Variants in EYS observed in about 807,000 individuals in gnomAD.
The protein encoded by EYS is protein eyes shut homolog.
EYS carries 250 observed loss-of-function variants against 282.1 expected under a neutral mutation model. The ratio of observed to expected loss-of-function variants is 0.89; its 90% CI spans 0.80 to 0.98. The LOEUF is 0.98. Among genes scored for constraint, EYS ranks in the 50% least tolerant of loss-of-function variants. EYS has a pLI of 0.00. For missense variants in EYS, 4,016 were observed against 3,709.0 expected, an observed-to-expected ratio of 1.08 and a Z score of -2.15; for synonymous variants, 1,355 against 1,282.9, an observed-to-expected ratio of 1.06 and a Z score of -1.20.
intron 26 of EYS, among the ~76,000 whole-genome samples, chr6:64,488,337 C>T (rs923294507): frequency 1.3e-5 from 2 of 150,900 alleles, no homozygotes; most frequent in African/African-American, 4.8e-5. Flanking sequence ...ATATAACAAT[C>T]ATACAATTGC....
intron 12 of EYS, among the ~76,000 whole-genome samples, chr6:65,167,104 G>A (rs619977): frequency 0.019 from 2,839 of 151,208 alleles, 70 homozygotes; most frequent in African/African-American, 0.065. Context: ...AGGTAAAATG[G>A]TAATGCACTT....
At chr6:65,311,280 A>C (rs528640322) in intron 11 of EYS, among the ~76,000 whole-genome samples, 1 of 152,278 alleles carries the variant, frequency 6.6e-6, no homozygotes, top group Non-Finnish European at 1.5e-5. Context: ...GCTGGGACAT[A>C]AGTTTTACAT....
intron 12 of EYS, among the ~76,000 whole-genome samples, chr6:65,077,081 T>TAC (rs1297430676): frequency 6.6e-6 from 1 of 151,788 alleles, no homozygotes; most frequent in Non-Finnish European, 1.5e-5. Context: ...TAGTCACGTC[T>TAC]ACACACACAC....
intron 2 of EYS, among the ~76,000 whole-genome samples, chr6:65,587,430 A>G (rs1324656712): frequency 6.6e-6 from 1 of 152,052 alleles, no homozygotes; most frequent in Admixed American, 6.6e-5. Flanking sequence ...ATAGTGAGAA[A>G]GTTCTCATGA....
chr6:64,000,479 C>A (rs748735089), intron 33 of EYS, among the ~76,000 whole-genome samples: 1 of 151,724 alleles, frequency 6.6e-6, no homozygotes, highest in Non-Finnish European at 1.5e-5. Flanking sequence ...GGATTACAGG[C>A]GTGAGCCACC....
At chr6:63,823,561 C>G (rs1771379179) in intron 36 of EYS, among the ~76,000 whole-genome samples, 1 of 152,092 alleles carries the variant, frequency 6.6e-6, no homozygotes, top group African/African-American at 2.4e-5. Flanking sequence ...TCTCATTTAT[C>G]TATGATTATG....
intron 36 of EYS, among the ~76,000 whole-genome samples, chr6:63,837,791 T>C (rs1771846587): frequency 6.6e-6 from 1 of 152,166 alleles, no homozygotes. Context: ...CTTGTCAACA[T>C]CAATATCAAG....
intron 30 of EYS, among the ~76,000 whole-genome samples, chr6:64,288,221 A>G (rs1344579010): frequency 2.0e-5 from 3 of 151,996 alleles, no homozygotes; most frequent in South Asian, 2.1e-4. Flanking sequence ...ACTCATTTTA[A>G]TGTTTTTTTC....
At chr6:65,169,446 C>A (rs145405434) in intron 12 of EYS, among the ~76,000 whole-genome samples, 12 of 151,424 alleles carry the variant, frequency 7.9e-5, no homozygotes, top group Admixed American at 2.6e-4. Flanking sequence ...ATATGTATTA[C>A]GTTCTATTTT....
chr6:65,429,106 G>A lies in EYS; in HGVS notation c.863-23739C>T, dbSNP rs541624871. ...GAGGCAGAAGAATTGCTTGAACCCA[G>A]GAGGCGGGGGTTGTAGTGAGTGGAG... On this transcript the variant is annotated intron_variant, in intron 5 of 42. Transcript: ENST00000503581. Among the ~76,000 whole-genome samples, 103 of 152,204 alleles carry A rather than the reference G, an allele frequency of 6.8e-4. 1 individual carries two copies. Among genetic ancestry groups the A allele is most frequent in the African/African-American group, 2.5e-3 (102 of 41,540 alleles).
At chr6:64,033,844 CTCTATA>C (rs1769983665) in intron 33 of EYS, among the ~76,000 whole-genome samples, 1 of 140,964 alleles carries the variant, frequency 7.1e-6, no homozygotes, top group Non-Finnish European at 1.6e-5. Flanking sequence ...CTCTCTCTCT[CTCTATA>C]TATATATATA....
intron 37 of EYS, among the ~76,000 whole-genome samples, chr6:63,801,064 A>G (rs1770772211): frequency 1.3e-5 from 2 of 152,162 alleles, no homozygotes; most frequent in Admixed American, 1.3e-4. Context: ...GTCTTTGTAT[A>G]TTATGCAGAG....
At chr6:64,069,219 T>C (rs1052859778) in intron 32 of EYS, among the ~76,000 whole-genome samples, 2 of 152,140 alleles carry the variant, frequency 1.3e-5, no homozygotes, top group Non-Finnish European at 2.9e-5. Context: ...ATTGTTTTAA[T>C]GGTAACTTGG....
intron 31 of EYS, among the ~76,000 whole-genome samples, chr6:64,087,863 C>T (rs934988038): frequency 6.6e-6 from 1 of 151,882 alleles, no homozygotes; most frequent in Non-Finnish European, 1.5e-5. Flanking sequence ...TTAGGTTTTA[C>T]TTATTCTGAG....
chr6:65,079,422 A>T (rs971614746), intron 12 of EYS, among the ~76,000 whole-genome samples: 11 of 152,096 alleles, frequency 7.2e-5, no homozygotes, highest in African/African-American at 2.7e-4. Context: ...TCTATTTTCA[A>T]CCTTCAGTTT....
At chr6:63,857,674 C>T (rs569757325) in intron 36 of EYS, 51 of 446,576 alleles carry the variant, frequency 1.1e-4, no homozygotes, top group South Asian at 8.7e-4. Context: ...TCAAGCACTA[C>T]TTGTTTGCCA....
intron 31 of EYS, among the ~76,000 whole-genome samples, chr6:64,199,889 G>A (rs1483006052): frequency 1.3e-5 from 2 of 152,080 alleles, no homozygotes. Flanking sequence ...AATGTTTATT[G>A]CAGGTTTTTC....
chr6:64,790,117 A>G (rs927763327), intron 22 of EYS, among the ~76,000 whole-genome samples: 6 of 152,016 alleles, frequency 3.9e-5, no homozygotes, highest in African/African-American at 1.4e-4. Flanking sequence ...AACTAACAGG[A>G]ATCTTTTTTG....
chr6:64,014,412 A>G (rs934514291), intron 33 of EYS, among the ~76,000 whole-genome samples: 1 of 152,096 alleles, frequency 6.6e-6, no homozygotes, highest in Admixed American at 6.6e-5. Flanking sequence ...AATGGTTGGT[A>G]CTATTTGCAG....
Sources: allele counts gnomAD v4.1 joint callset (sites outside exome capture counted in the v4.1 genomes callset), GRCh38; gene constraint gnomAD v4.1.1; transcripts MANE v1.5; gene names NCBI Gene and HGNC (gene_info 2026-07-23, HGNC 2026-07-21).